The following ADGRB3 variants were observed in gnomAD, a reference collection of about 807,000 sequenced individuals.
ADGRB3 encodes brain-specific angiogenesis inhibitor 3.
Under a neutral mutation model 193.4 loss-of-function variants are expected in ADGRB3, and 37 were observed. The observed-to-expected ratio is 0.19, with a 90% CI of 0.15 to 0.25. The LOEUF (loss-of-function observed/expected upper bound fraction) is 0.25, where lower values mean the gene tolerates loss of function less well. ADGRB3 is among the 10% of genes least tolerant of loss of function. The pLI is 1.00. For missense variants in ADGRB3, 1,637 were observed against 1,852.9 expected, an observed-to-expected ratio of 0.88 and a Z score of 2.14; for synonymous variants, 690 against 644.2, an observed-to-expected ratio of 1.07 and a Z score of -1.08.
At chr6:69,040,695 A>AAAC (rs1771034601) in intron 13 of ADGRB3, among the ~76,000 whole-genome samples, 9 of 145,900 alleles carry the variant, frequency 6.2e-5, no homozygotes, top group Non-Finnish European at 1.3e-4. Flanking sequence ...AAAAAAAAAA[A>AAAC]AAAAAAAAAA....
chr6:69,053,395 C>T (rs1238343756), intron 15 of ADGRB3, among the ~76,000 whole-genome samples: 1 of 152,226 alleles, frequency 6.6e-6, no homozygotes, highest in Non-Finnish European at 1.5e-5. Context: ...CTCATTCCCT[C>T]TATTCTGTTA....
rs1224003675 is a variant in ADGRB3 at position 69,354,662 on chromosome 6, A to G, written c.3555+334A>G. On this transcript the variant is annotated intron_variant, in intron 27 of 31. Transcript: ENST00000370598. ...CAGAACACTATGAACCTGCACTTCT[A>G]GTCTTAAAGCAGTGGTTCTTGGCCT... 2.0e-5 allele frequency among the ~76,000 whole-genome samples: 3 copies of G among 152,216 alleles called. No individual in the cohort carries two copies. In the South Asian group the frequency reaches 6.2e-4, roughly 31 times the overall value.
rs773163654 is a variant in ADGRB3, at chr6:68,638,957, C to T, written c.282C>T (p.Ser94=). 25 of 1,613,798 alleles carry T rather than the reference C, an allele frequency of 1.5e-5. No homozygotes were observed. Among genetic ancestry groups the T allele is most frequent in the Non-Finnish European group, 1.9e-5 (23 of 1,179,942 alleles). ...SLLAYQFDHF[S]HEKIKDLLRK... ...TGGCTTATCAGTTTGATCATTTTTC[C>T]CATGAAAAAATAAAGGATCTTTTAA... The change falls in exon 3 of 32, where the codon TCC becomes TCT. Residue 94 remains serine (S), a synonymous_variant. Transcript: ENST00000370598.
chr6:69,261,291 A>G (rs545561726), intron 20 of ADGRB3, among the ~76,000 whole-genome samples: 7 of 152,298 alleles, frequency 4.6e-5, no homozygotes, highest in Non-Finnish European at 8.8e-5. Flanking sequence ...CAGAAATGCC[A>G]TAAGTTCAGC....
At chr6:68,748,898 T>C (rs976954972) in intron 3 of ADGRB3, among the ~76,000 whole-genome samples, 1 of 152,222 alleles carries the variant, frequency 6.6e-6, no homozygotes, top group African/African-American at 2.4e-5. Flanking sequence ...ACTTCAATTC[T>C]TAACATCTGT....
intron 26 of ADGRB3, 31 bp from the exon 27 acceptor site, chr6:69,354,202 A>G (rs750196285): frequency 9.2e-6 from 14 of 1,516,134 alleles, no homozygotes; most frequent in African/African-American, 1.4e-5. Flanking sequence ...ATTAAGAGAG[A>G]AGAAAATTAA....
At chr6:69,249,401 A>G (rs1395610011) in intron 20 of ADGRB3, among the ~76,000 whole-genome samples, 2 of 152,240 alleles carry the variant, frequency 1.3e-5, no homozygotes, top group Non-Finnish European at 2.9e-5. Flanking sequence ...CAAGCTGGAC[A>G]TTTTATAAAT....
intron 17 of ADGRB3, among the ~76,000 whole-genome samples, chr6:69,218,906 G>A (rs992360075): frequency 7.2e-5 from 11 of 152,054 alleles, no homozygotes; most frequent in African/African-American, 2.7e-4. Flanking sequence ...ATTTCTGTCA[G>A]TATTTCTCTC....
chr6:68,812,918 T>C (rs991984445), intron 3 of ADGRB3, among the ~76,000 whole-genome samples: 1 of 149,508 alleles, frequency 6.7e-6, no homozygotes, highest in Non-Finnish European at 1.5e-5. Flanking sequence ...AGTGAGAACA[T>C]GTGGTATTTG....
At chr6:69,286,686 G>A (rs1239967519) in intron 20 of ADGRB3, among the ~76,000 whole-genome samples, 1 of 152,032 alleles carries the variant, frequency 6.6e-6, no homozygotes, top group African/African-American at 2.4e-5. Flanking sequence ...CTAGAAACTT[G>A]AATTAAAAAA....
At chr6:69,001,804 G>A (rs1006397454) in intron 11 of ADGRB3, among the ~76,000 whole-genome samples, 3 of 152,158 alleles carry the variant, frequency 2.0e-5, no homozygotes, top group African/African-American at 7.2e-5. Context: ...ACACTTCTGT[G>A]GACCTAACAG....
chr6:68,820,890 A>G (rs1767736662), intron 3 of ADGRB3, among the ~76,000 whole-genome samples: 2 of 152,086 alleles, frequency 1.3e-5, no homozygotes, highest in Admixed American at 1.3e-4. Context: ...CCTCTGGTCT[A>G]GACAAAGAGA....
chr6:69,349,848 G>C (rs1769185107), intron 26 of ADGRB3, among the ~76,000 whole-genome samples: 1 of 152,228 alleles, frequency 6.6e-6, no homozygotes, highest in South Asian at 2.1e-4. Context: ...TTCAGGGTCT[G>C]ATTTGCTCAG....
chr6:69,137,056 C>CTT (rs71548125), intron 17 of ADGRB3, among the ~76,000 whole-genome samples: 8 of 80,112 alleles, frequency 1.0e-4, no homozygotes, highest in African/African-American at 3.2e-4. Context: ...TCTTTTCTTT[C>CTT]TTTTTTTTTT....
chr6:69,004,494 A>T (rs1007780835), intron 11 of ADGRB3, among the ~76,000 whole-genome samples: 6 of 151,180 alleles, frequency 4.0e-5, no homozygotes, highest in African/African-American at 1.5e-4. Context: ...TACATGTGCC[A>T]TGTTGGTGTG....
intron 10 of ADGRB3, among the ~76,000 whole-genome samples, chr6:68,977,335 G>A (rs529914578): frequency 4.7e-4 from 71 of 151,792 alleles, no homozygotes; most frequent in Middle Eastern, 3.4e-3. Context: ...ATTAGACTTT[G>A]TTTAATTATA....
chr6:68,943,434 A>G (rs1056277357), intron 5 of ADGRB3, among the ~76,000 whole-genome samples: 2 of 152,148 alleles, frequency 1.3e-5, no homozygotes, highest in African/African-American at 2.4e-5. Flanking sequence ...GGCCTTGGCT[A>G]TCTAAATAAA....
chr6:69,059,758 G>A (rs897702425), intron 15 of ADGRB3, among the ~76,000 whole-genome samples: 2 of 152,002 alleles, frequency 1.3e-5, no homozygotes, highest in Admixed American at 6.6e-5. Context: ...TACACTTTTT[G>A]AAAAGGAAGC....
intron 16 of ADGRB3, among the ~76,000 whole-genome samples, chr6:69,068,661 T>C (rs1771981641): frequency 6.6e-6 from 1 of 152,182 alleles, no homozygotes; most frequent in African/African-American, 2.4e-5. Context: ...AGTATTCCTC[T>C]GGAAATAATG....
Sources: gnomAD v4.1 joint callset for allele counts (sites outside exome capture counted in the v4.1 genomes callset) on GRCh38, gnomAD v4.1.1 for gene constraint, MANE v1.5 for transcripts, NCBI Gene and HGNC (gene_info 2026-07-23, HGNC 2026-07-21) for gene names.